The following DRD2 variants were observed in gnomAD, a reference collection of about 807,000 sequenced individuals.
The protein encoded by DRD2 is D(2) dopamine receptor.
In DRD2, 8 loss-of-function variants were observed where a neutral mutation model predicts 38.0. The observed-to-expected ratio is 0.21, with a 90% CI of 0.12 to 0.38. The LOEUF (loss-of-function observed/expected upper bound fraction) is 0.38, where lower values mean the gene tolerates loss of function less well. DRD2 is among the 10% of genes least tolerant of loss of function. The probability of loss-of-function intolerance (pLI) is 1.00; values close to 1 mark genes in which losing one functional copy is unlikely to be tolerated. For synonymous variants in DRD2, 230 were observed against 238.6 expected, an observed-to-expected ratio of 0.96 and a Z score of 0.33; for missense variants, 403 against 607.7, an observed-to-expected ratio of 0.66 and a Z score of 3.54.
At chr11:113,451,535 A>G (rs1438464673) in intron 1 of DRD2, among the ~76,000 whole-genome samples, 2 of 152,168 alleles carry the variant, frequency 1.3e-5, no homozygotes, top group African/African-American at 2.4e-5. Flanking sequence ...TCTGTCACCC[A>G]GGCTGGAGTG....
chr11:113,447,078 T>C (rs1951157685), intron 1 of DRD2, among the ~76,000 whole-genome samples: 1 of 150,868 alleles, frequency 6.6e-6, no homozygotes, highest in Non-Finnish European at 1.5e-5. Flanking sequence ...CTCAGGGAAC[T>C]TGGGATCCTC....
chr11:113,415,958 G>C (rs1238824547), intron 4 of DRD2, among the ~76,000 whole-genome samples: 5 of 152,208 alleles, frequency 3.3e-5, no homozygotes, highest in African/African-American at 1.2e-4. Flanking sequence ...ACTTTTAAAA[G>C]AGTAAACCAT....
At chr11:113,453,337 AGTT>A (rs1375991179) in intron 1 of DRD2, among the ~76,000 whole-genome samples, 2 of 152,136 alleles carry the variant, frequency 1.3e-5, no homozygotes, top group East Asian at 3.9e-4. Context: ...GTACAGATTG[AGTT>A]GTTGTAAATT....
At chr11:113,419,930 C>A (rs915790382) in intron 2 of DRD2, among the ~76,000 whole-genome samples, 4 of 152,202 alleles carry the variant, frequency 2.6e-5, no homozygotes, top group African/African-American at 9.6e-5. Flanking sequence ...ATGGGGGCCC[C>A]GTACCAGGGC....
chr11:113,424,208 A>G (rs554697205), intron 2 of DRD2, among the ~76,000 whole-genome samples, 159 bp downstream of exon 2: 3 of 152,332 alleles, frequency 2.0e-5, no homozygotes, highest in Non-Finnish European at 2.9e-5. Context: ...CAATCTACCC[A>G]TTTCGTAAGG....
intron 1 of DRD2, among the ~76,000 whole-genome samples, chr11:113,425,930 AG>A (rs1167424716): frequency 6.6e-6 from 1 of 152,046 alleles, no homozygotes; most frequent in African/African-American, 2.4e-5. Flanking sequence ...GGACATTTAC[AG>A]GCCAGATTGT....
chr11:113,413,326 C>T, intron 6 of DRD2: 1 of 532,606 alleles, frequency 1.9e-6, no homozygotes, highest in Non-Finnish European at 3.7e-6. Context: ...GCTCCCACTT[C>T]ATGGGTACCT....
intron 1 of DRD2, among the ~76,000 whole-genome samples, chr11:113,455,902 G>A (rs1434882134): frequency 1.3e-5 from 2 of 152,144 alleles, no homozygotes; most frequent in African/African-American, 2.4e-5. Flanking sequence ...ACTAAAAATA[G>A]CATTACCATA....
chr11:113,424,241 A>G, intron 2 of DRD2, 126 bp downstream of exon 2: 1 of 1,039,200 alleles, frequency 9.6e-7, no homozygotes, highest in Non-Finnish European at 1.4e-6. Context: ...CCCAGAGTGA[A>G]GGAAAAACCA....
chr11:113,448,275 G>C (rs1951172303), intron 1 of DRD2, among the ~76,000 whole-genome samples: 1 of 152,160 alleles, frequency 6.6e-6, no homozygotes, highest in African/African-American at 2.4e-5. Flanking sequence ...AATGGGTAAG[G>C]GGGTCTGACT....
At chr11:113,451,926 C>T (rs1488424843) in intron 1 of DRD2, among the ~76,000 whole-genome samples, 4 of 152,192 alleles carry the variant, frequency 2.6e-5, no homozygotes, top group African/African-American at 9.7e-5. Context: ...TAAACATTCA[C>T]AGGAAAATTC....
chr11:113,465,937 T>A (rs571993430), intron 1 of DRD2, among the ~76,000 whole-genome samples: 1 of 152,214 alleles, frequency 6.6e-6, no homozygotes, highest in Non-Finnish European at 1.5e-5. Flanking sequence ...GAGCTTACCA[T>A]GCATCAGGTA....
intron 1 of DRD2, among the ~76,000 whole-genome samples, chr11:113,452,479 C>CGG (rs1488511809): frequency 1.7e-5 from 2 of 120,972 alleles, no homozygotes; most frequent in African/African-American, 6.7e-5. Context: ...TGCGCGCGCG[C>CGG]GCGCGCGCAC....
At chr11:113,426,070 T>C (rs984345011) in intron 1 of DRD2, among the ~76,000 whole-genome samples, 4 of 152,068 alleles carry the variant, frequency 2.6e-5, no homozygotes, top group African/African-American at 7.2e-5. Context: ...TAATTTAGGT[T>C]AGAAATTGTG....
At chr11:113,473,359 G>A (rs1397881475) in intron 1 of DRD2, among the ~76,000 whole-genome samples, 1 of 152,186 alleles carries the variant, frequency 6.6e-6, no homozygotes, top group East Asian at 1.9e-4. Flanking sequence ...GCCTCCGCTT[G>A]AGATTCTCAT....
chr11:113,413,199 C>A, intron 6 of DRD2: 1 of 629,872 alleles, frequency 1.6e-6, no homozygotes, highest in Admixed American at 2.0e-5. Context: ...GTGCCAGGTG[C>A]CACAGTGGCT....
chr11:113,444,112 T>C (rs2119869416), intron 1 of DRD2, among the ~76,000 whole-genome samples: 1 of 152,340 alleles, frequency 6.6e-6, no homozygotes, highest in East Asian at 1.9e-4. Flanking sequence ...TTCGGCTGAC[T>C]GCAACCTCCG....
intron 1 of DRD2, among the ~76,000 whole-genome samples, chr11:113,463,484 A>G (rs118168024): frequency 0.013 from 1,890 of 147,654 alleles, 33 homozygotes; most frequent in Non-Finnish European, 0.02. Flanking sequence ...ATTCATGTGT[A>G]GAGTTAGTGT....
chr11:113,428,610 G>A (rs1950959922), intron 1 of DRD2, among the ~76,000 whole-genome samples: 1 of 152,002 alleles, frequency 6.6e-6, no homozygotes, highest in South Asian at 2.1e-4. Flanking sequence ...GGAGGAGGGA[G>A]GATGTAAACT....
Sources: gnomAD v4.1 joint callset for allele counts (sites outside exome capture counted in the v4.1 genomes callset) on GRCh38, gnomAD v4.1.1 for gene constraint, MANE v1.5 for transcripts, NCBI Gene and HGNC (gene_info 2026-07-23, HGNC 2026-07-21) for gene names.